The following LUZP2 variants were observed in gnomAD, a reference collection of about 807,000 sequenced individuals.
LUZP2 encodes the protein leucine zipper protein 2.
Under a neutral mutation model 51.6 loss-of-function variants are expected in LUZP2, and 52 were observed. The ratio of observed to expected loss-of-function variants is 1.01; its 90% CI spans 0.81 to 1.27. The LOEUF (loss-of-function observed/expected upper bound fraction) is 1.27, where lower values mean the gene tolerates loss of function less well. LUZP2 is among the 50% of genes most tolerant of loss of function. The pLI is 0.00. For synonymous variants in LUZP2, 154 were observed against 137.3 expected, an observed-to-expected ratio of 1.12 and a Z score of -0.85; for missense variants, 436 against 395.4, an observed-to-expected ratio of 1.10 and a Z score of -0.87.
In LUZP2 at chr11:24,589,910, G is replaced by C. The variant is rs745970216; in HGVS notation, c.62+92605G>C. Among the ~76,000 whole-genome samples the C allele has an allele frequency of 1.2e-4, 15 of 128,614 alleles. No individual in the cohort carries two copies. The South Asian group carries it at 1.5e-3, about 13-fold the overall frequency. 84.4% of individuals were successfully genotyped at this position (128,614 alleles called of 152,430 possible). ...TTAGGCATGAAGTGACAGCAGCTAT[G>C]TTCACAACCGAAGTAATTGGGGTTT... On this transcript the variant is annotated intron_variant, in intron 1 of 11. Coordinates refer to ENST00000336930, the MANE Select transcript of LUZP2 (RefSeq NM_001009909.4).
chr11:24,998,234 G>C (rs1438775911), intron 9 of LUZP2, among the ~76,000 whole-genome samples: 1 of 152,058 alleles, frequency 6.6e-6, no homozygotes, highest in South Asian at 2.1e-4. Flanking sequence ...TCACGATATC[G>C]ATTCTTCCTA....
chr11:24,898,069 A>G (rs1235224110), intron 5 of LUZP2, among the ~76,000 whole-genome samples: 4 of 152,164 alleles, frequency 2.6e-5, no homozygotes, highest in Admixed American at 6.6e-5. Flanking sequence ...GATCTAGGAG[A>G]TTCTGCTATT....
intron 1 of LUZP2, among the ~76,000 whole-genome samples, chr11:24,511,779 C>A (rs1372875684): frequency 2.6e-5 from 4 of 152,060 alleles, no homozygotes; most frequent in African/African-American, 9.7e-5. Context: ...CTTTGTTGTT[C>A]TTTCTTGAAC....
chr11:24,559,017 C>T (rs906297681), intron 1 of LUZP2, among the ~76,000 whole-genome samples: 2 of 152,082 alleles, frequency 1.3e-5, no homozygotes, highest in Non-Finnish European at 2.9e-5. Flanking sequence ...GGAACATGGT[C>T]GTAAAAGTAG....
At chr11:24,740,140 G>A (rs1183196522) in intron 4 of LUZP2, among the ~76,000 whole-genome samples, 1 of 152,034 alleles carries the variant, frequency 6.6e-6, no homozygotes, top group Admixed American at 6.6e-5. Context: ...ATTTTCTCTG[G>A]TTCTCATAAT....
rs184126368 is a variant in LUZP2 at position 24,534,654 on chromosome 11, A to G, written c.62+37349A>G. On this transcript the variant is annotated intron_variant, in intron 1 of 11. Transcript: ENST00000336930. ...GTTTCTAAACTTTCTTGCATGTAGT[A>G]AAAATAGAGATTCCACCTATAAATT... Among the ~76,000 whole-genome samples the G allele has an allele frequency of 8.7e-3, 1,320 of 151,542 alleles. 21 individuals are homozygous for G. The highest frequency in any genetic ancestry group is 0.03 in the African/African-American group (1,262 of 41,480).
chr11:24,638,323 A>T (rs1565045631), intron 1 of LUZP2, among the ~76,000 whole-genome samples: 2 of 151,914 alleles, frequency 1.3e-5, no homozygotes, highest in Non-Finnish European at 2.9e-5. Context: ...AATAGAAATT[A>T]TACTAGAAAT....
At chr11:24,885,472 G>C (rs1852640272) in intron 5 of LUZP2, among the ~76,000 whole-genome samples, 1 of 152,044 alleles carries the variant, frequency 6.6e-6, no homozygotes, top group Non-Finnish European at 1.5e-5. Context: ...AGAGATTATA[G>C]GAAATCATAC....
chr11:24,613,744 G>A (rs983993554), intron 1 of LUZP2, among the ~76,000 whole-genome samples: 5 of 151,836 alleles, frequency 3.3e-5, no homozygotes, highest in Admixed American at 2.0e-4. Context: ...TTTTTAAAAA[G>A]GAAGGAATGA....
chr11:24,867,141 A>G (rs924263496), intron 5 of LUZP2, among the ~76,000 whole-genome samples: 1 of 152,118 alleles, frequency 6.6e-6, no homozygotes, highest in Non-Finnish European at 1.5e-5. Context: ...ATAAATTAAT[A>G]AAAGGGTGCA....
chr11:25,039,314 C>T (rs1365098975), intron 9 of LUZP2, among the ~76,000 whole-genome samples: 1 of 152,028 alleles, frequency 6.6e-6, no homozygotes, highest in African/African-American at 2.4e-5. Flanking sequence ...CCAAAATGCA[C>T]TCAGGTGGAG....
At position 25,027,856 on chromosome 11, in the gene LUZP2, C is replaced by T. The variant is rs979922627; in HGVS notation, c.766-22182C>T. ...CTGCACTCCAGCCTGGGCGAAAGAA[C>T]GAAATTCCGTCTCAAAAAAAAAAAA... is the stretch of plus-strand genomic sequence containing the variant. On this transcript the variant is annotated intron_variant, in intron 9 of 11. Transcript: ENST00000336930. 3.3e-5 allele frequency among the ~76,000 whole-genome samples: 4 copies of T among 120,704 alleles called. 1 individual carries two copies. Among genetic ancestry groups the T allele is most frequent in the South Asian group, 3.1e-4 (1 of 3,192 alleles). 79.2% of individuals were successfully genotyped at this position (120,704 alleles called of 152,430 possible).
At chr11:24,968,084 T>C (rs1210775402) in intron 7 of LUZP2, among the ~76,000 whole-genome samples, 1 of 152,164 alleles carries the variant, frequency 6.6e-6, no homozygotes, top group Admixed American at 6.6e-5. Flanking sequence ...ACTTAAAAAG[T>C]TCAAGGTAGT....
intron 1 of LUZP2, among the ~76,000 whole-genome samples, chr11:24,715,976 T>C (rs928201661): frequency 6.6e-6 from 1 of 152,152 alleles, no homozygotes. Context: ...TTACTTAAAT[T>C]ATGAACCTAC....
chr11:25,033,960 G>A (rs913006898), intron 9 of LUZP2, among the ~76,000 whole-genome samples: 3 of 152,028 alleles, frequency 2.0e-5, no homozygotes, highest in Admixed American at 6.6e-5. Context: ...TGGGATTGCT[G>A]GGTCAAATGG....
At chr11:24,582,749 T>C (rs1262952610) in intron 1 of LUZP2, among the ~76,000 whole-genome samples, 1 of 152,104 alleles carries the variant, frequency 6.6e-6, no homozygotes, top group Non-Finnish European at 1.5e-5. Flanking sequence ...GGTTTTGTTT[T>C]TGTTTTTGTT....
At chr11:24,649,557 A>G (rs1021125260) in intron 1 of LUZP2, among the ~76,000 whole-genome samples, 1 of 151,960 alleles carries the variant, frequency 6.6e-6, no homozygotes, top group African/African-American at 2.4e-5. Context: ...TAGGAGCATT[A>G]ATGACATTGA....
intron 5 of LUZP2, among the ~76,000 whole-genome samples, chr11:24,826,188 A>ATATATATATATAT (rs1193136085): frequency 7.1e-5 from 2 of 28,026 alleles, no homozygotes; most frequent in African/African-American, 2.2e-4. Flanking sequence ...AAAAAAAAAA[A>ATATATATATATAT]AAATATATAT....
chr11:24,915,161 G>A (rs1018611607), intron 7 of LUZP2, among the ~76,000 whole-genome samples: 7 of 152,046 alleles, frequency 4.6e-5, no homozygotes, highest in Admixed American at 1.3e-4. Context: ...TTCCTTTAAT[G>A]TATACAATAC....
Sources: gnomAD v4.1 joint callset for allele counts (sites outside exome capture counted in the v4.1 genomes callset) on GRCh38, gnomAD v4.1.1 for gene constraint, MANE v1.5 for transcripts, NCBI Gene and HGNC (gene_info 2026-07-23, HGNC 2026-07-21) for gene names.